APP: variants seen among roughly 807,000 people sequenced by gnomAD.
The protein encoded by APP is amyloid beta precursor protein, also known as amyloid-beta precursor protein.
APP carries 31 observed loss-of-function variants against 101.4 expected under a neutral mutation model. The ratio of observed to expected loss-of-function variants is 0.31; its 90% CI spans 0.23 to 0.41. The LOEUF is 0.41. APP is among the 10% of genes least tolerant of loss of function. The probability of loss-of-function intolerance (pLI) is 1.00; values close to 1 mark genes in which losing one functional copy is unlikely to be tolerated. For synonymous variants in APP, 366 were observed against 364.4 expected, an observed-to-expected ratio of 1.00 and a Z score of -0.05; for missense variants, 839 against 1,003.7, an observed-to-expected ratio of 0.84 and a Z score of 2.22.
At chr21:26,133,490 TAAC>T (rs966098631) in intron 1 of APP, among the ~76,000 whole-genome samples, 2 of 151,776 alleles carry the variant, frequency 1.3e-5, no homozygotes, top group Non-Finnish European at 2.9e-5. Context: ...GTTAACTGAT[TAAC>T]AACTAGAATA....
chr21:26,063,385 G>A (rs906570765), intron 3 of APP, among the ~76,000 whole-genome samples: 11 of 152,136 alleles, frequency 7.2e-5, no homozygotes, highest in Admixed American at 5.2e-4. Flanking sequence ...CAGTGGCAAC[G>A]AGCATCCTTA....
At chr21:25,990,803 T>C (rs2042831011) in intron 8 of APP, among the ~76,000 whole-genome samples, 1 of 101,914 alleles carries the variant, frequency 9.8e-6, no homozygotes, top group Non-Finnish European at 2.1e-5. Context: ...TTATCAGGTA[T>C]TGATAGCCAG....
intron 1 of APP, among the ~76,000 whole-genome samples, chr21:26,124,052 C>G (rs1271913121): frequency 6.6e-6 from 1 of 151,708 alleles, no homozygotes; most frequent in East Asian, 1.9e-4. Context: ...ATTCCCTACT[C>G]TTTAGCACTG....
chr21:25,984,999 G>A (rs2042584639), intron 8 of APP, among the ~76,000 whole-genome samples: 2 of 152,056 alleles, frequency 1.3e-5, no homozygotes, highest in Non-Finnish European at 2.9e-5. Flanking sequence ...CAGCTCCTAT[G>A]GTTTGCGAAC....
intron 2 of APP, among the ~76,000 whole-genome samples, chr21:26,095,122 G>T (rs1457256820): frequency 6.6e-6 from 1 of 152,204 alleles, no homozygotes; most frequent in Non-Finnish European, 1.5e-5. Context: ...GGGATTACAG[G>T]CGTGAGCCAC....
intron 1 of APP, among the ~76,000 whole-genome samples, chr21:26,122,662 C>A (rs888529339): frequency 1.3e-5 from 2 of 151,714 alleles, no homozygotes; most frequent in Non-Finnish European, 2.9e-5. Flanking sequence ...TAAAATGGTA[C>A]TAACTGGTCC....
chr21:26,036,482 A>G, intron 5 of APP, among the ~76,000 whole-genome samples: 1 of 152,186 alleles, frequency 6.6e-6, no homozygotes, highest in South Asian at 2.1e-4. Flanking sequence ...TCTTGAGCCC[A>G]GAGATATTCT....
intron 11 of APP, among the ~76,000 whole-genome samples, chr21:25,967,913 G>A (rs1273270150): frequency 6.6e-6 from 1 of 152,184 alleles, no homozygotes; most frequent in Non-Finnish European, 1.5e-5. Flanking sequence ...AACCTCCTGT[G>A]CTGCAGTTCT....
chr21:25,994,838 T>A (rs1000574153), intron 8 of APP, among the ~76,000 whole-genome samples: 1 of 152,246 alleles, frequency 6.6e-6, no homozygotes, highest in Non-Finnish European at 1.5e-5. Flanking sequence ...AATGTGCAGT[T>A]TGCTATAAAT....
chr21:26,170,170 G>A (rs943817142), intron 1 of APP, among the ~76,000 whole-genome samples: 1 of 152,206 alleles, frequency 6.6e-6, no homozygotes, highest in South Asian at 2.1e-4. Flanking sequence ...ACTGGCTTTA[G>A]GGACGCTGCG....
At chr21:26,088,473 C>A (rs993765205) in intron 3 of APP, among the ~76,000 whole-genome samples, 1 of 152,178 alleles carries the variant, frequency 6.6e-6, no homozygotes, top group South Asian at 2.1e-4. Flanking sequence ...ATTTGGAATA[C>A]TTCATAGAAC....
In APP at chr21:26,120,964, A is replaced by G. The variant is rs2062553496; in HGVS notation, c.58-8818T>C. 2.3e-5 allele frequency among the ~76,000 whole-genome samples: 3 copies of G among 131,018 alleles called. No homozygotes were observed. The South Asian group carries it at 8.2e-4, about 36-fold the overall frequency. The allele number at this position is 131,018 out of a possible 152,430, so 86.0% of individuals were successfully genotyped here. A position where few individuals can be genotyped will look rare whatever the true frequency, so the allele number is the denominator to read the frequency against. The stretch of plus-strand genomic sequence containing the variant: ...GTGTTGAAATCTGTGTAACAAAAGC[A>G]GTGAGGGCTCTTGCCACACGTAGGC... On this transcript the variant is annotated intron_variant, in intron 1 of 17. Transcript: ENST00000346798.
intron 13 of APP, among the ~76,000 whole-genome samples, chr21:25,916,158 T>G (rs895562847): frequency 6.6e-6 from 1 of 152,148 alleles, no homozygotes; most frequent in African/African-American, 2.4e-5. Context: ...CACACTACCA[T>G]GACCGGATAG....
At chr21:26,055,832 G>C (rs959019771) in intron 3 of APP, among the ~76,000 whole-genome samples, 2 of 151,992 alleles carry the variant, frequency 1.3e-5, no homozygotes, top group African/African-American at 4.8e-5. Context: ...CGTGAGAAGA[G>C]CCAGAGCAGG....
intron 6 of APP, among the ~76,000 whole-genome samples, chr21:26,004,084 C>T (rs145814414): frequency 3.3e-5 from 5 of 152,180 alleles, no homozygotes; most frequent in East Asian, 1.9e-4. Flanking sequence ...TCAGCACCAG[C>T]GATGTATGAT....
intron 3 of APP, among the ~76,000 whole-genome samples, chr21:26,075,029 T>A (rs1398697407): frequency 2.0e-5 from 3 of 152,216 alleles, no homozygotes; most frequent in Admixed American, 6.5e-5. Flanking sequence ...AAGGAGTAAG[T>A]AAAGTAAATG....
intron 3 of APP, among the ~76,000 whole-genome samples, chr21:26,059,185 G>A (rs188217040): frequency 1.6e-3 from 251 of 152,218 alleles, no homozygotes; most frequent in African/African-American, 5.8e-3. Flanking sequence ...AGATTCTAGA[G>A]CCATACACAG....
At chr21:26,111,772 G>C (rs1211427601) in intron 2 of APP, among the ~76,000 whole-genome samples, 2 of 152,084 alleles carry the variant, frequency 1.3e-5, no homozygotes, top group Non-Finnish European at 2.9e-5. Flanking sequence ...TTTAGTGATG[G>C]TCATAATACG....
intron 17 of APP, among the ~76,000 whole-genome samples, chr21:25,887,395 A>C (rs1291024482): frequency 6.6e-6 from 1 of 151,990 alleles, no homozygotes; most frequent in Non-Finnish European, 1.5e-5. Flanking sequence ...CTATTGCTTC[A>C]CTGCTTGAAG....
Sources: allele counts gnomAD v4.1 joint callset (sites outside exome capture counted in the v4.1 genomes callset), GRCh38; gene constraint gnomAD v4.1.1; transcripts MANE v1.5; gene names NCBI Gene and HGNC (gene_info 2026-07-23, HGNC 2026-07-21).